FAM81B: variants seen among roughly 807,000 people sequenced by gnomAD.
The protein encoded by FAM81B is family with sequence similarity 81 member B, also known as protein FAM81B.
In FAM81B, 60 loss-of-function variants were observed where a neutral mutation model predicts 58.7. The observed-to-expected ratio is 1.02, with a 90% confidence interval of 0.83 to 1.27. The LOEUF is 1.27. Among genes scored for constraint, FAM81B ranks in the 50% most tolerant of loss-of-function variants. The pLI, the probability that FAM81B is intolerant of heterozygous loss-of-function variation, is 0.00. For missense variants in FAM81B, 491 were observed against 522.0 expected, an observed-to-expected ratio of 0.94 and a Z score of 0.58; for synonymous variants, 189 against 179.6, an observed-to-expected ratio of 1.05 and a Z score of -0.42.
At chr5:95,404,078 G>A (rs977567944) in intron 3 of FAM81B, among the ~76,000 whole-genome samples, 1 of 152,170 alleles carries the variant, frequency 6.6e-6, no homozygotes, top group Non-Finnish European at 1.5e-5. Flanking sequence ...AAAACCGGGA[G>A]ACCAAATACC....
chr5:95,425,544 T>C (rs1468626909), intron 5 of FAM81B, among the ~76,000 whole-genome samples: 1 of 152,196 alleles, frequency 6.6e-6, no homozygotes, highest in Non-Finnish European at 1.5e-5. Context: ...AACTTGAGAA[T>C]TCTAGTACTC....
At chr5:95,416,815 T>A (rs1331829724) in intron 4 of FAM81B, among the ~76,000 whole-genome samples, 2 of 152,144 alleles carry the variant, frequency 1.3e-5, no homozygotes, top group African/African-American at 4.8e-5. Flanking sequence ...GCTGAGGCAG[T>A]AGGACCAATT....
intron 3 of FAM81B, among the ~76,000 whole-genome samples, chr5:95,399,498 G>GCCC (rs1762051488): frequency 2.0e-5 from 3 of 148,470 alleles, no homozygotes; most frequent in African/African-American, 2.6e-5. Context: ...CCACCCACCT[G>GCCC]TGATGGGCAA....
At chr5:95,391,558 T>A (rs770207792) in intron 1 of FAM81B, 45 bp downstream of exon 1, 2 of 1,562,878 alleles carry the variant, frequency 1.3e-6, no homozygotes, top group South Asian at 2.5e-5. Flanking sequence ...CCTACTTCAC[T>A]ATCTTTCTTC....
rs143514606 is a variant in FAM81B, at chr5:95,398,691, G to A, written c.293+2516G>A. On this transcript the variant is annotated intron_variant, in intron 3 of 9. Coordinates refer to ENST00000283357, the MANE Select transcript of FAM81B (RefSeq NM_152548.3). ...CCCTCAGGGAGCTATCTAATAATGC[G>A]TTTGGAGCCATTCTAGCAGGAAGGA... Among the ~76,000 whole-genome samples the A allele has an allele frequency of 6.4e-3, 979 of 152,278 alleles. 9 individuals carry two copies. The highest frequency in any genetic ancestry group is 0.022 in the African/African-American group (918 of 41,570).
At chr5:95,413,459 G>A (rs140721467) in intron 3 of FAM81B, among the ~76,000 whole-genome samples, 105 of 152,210 alleles carry the variant, frequency 6.9e-4, no homozygotes, top group East Asian at 4.4e-3. Context: ...ATATGAAAAT[G>A]TACAATGTGA....
At chr5:95,439,343 C>T (rs1184700570) in intron 7 of FAM81B, among the ~76,000 whole-genome samples, 1 of 148,128 alleles carries the variant, frequency 6.8e-6, no homozygotes, top group Non-Finnish European at 1.5e-5. Context: ...ATGAGAAGAC[C>T]TTTCTCTACA....
chr5:95,436,804 T>C lies in FAM81B; in HGVS notation c.791T>C (p.Met264Thr), dbSNP rs1561311283. The C allele has an allele frequency of 6.2e-7, 1 of 1,610,034 alleles. No homozygotes were observed. Among genetic ancestry groups the C allele is most frequent in the Non-Finnish European group, 8.5e-7 (1 of 1,176,224 alleles). Reference sequence around the variant, plus strand: ...ACCCTCTCGTACTTTGACTAGGTGATGCAGCTCTTAGGAAAGATAGAAACT... The same window carrying C: ...ACCCTCTCGTACTTTGACTAGGTGACGCAGCTCTTAGGAAAGATAGAAACT... ...TLSKNLDMKV[M>T]QLLGKIETAS... Residue 264 changes from methionine to threonine, a missense_variant, in exon 7 of 10, where the codon ATG (methionine) becomes ACG (threonine). Met to Thr is a moderately conservative substitution (Grantham distance 81). Transcript: ENST00000283357.
chr5:95,448,201 A>G lies in FAM81B; in HGVS notation c.1030-68A>G, dbSNP rs192084559. ...ACATAGAAAAATGAATGTTAAAAAT[A>G]TTTTCTCTAAGCTGAAAGATAAATC... is the stretch of plus-strand genomic sequence containing the variant. On this transcript the variant is annotated intron_variant, in intron 8 of 9. Coordinates refer to ENST00000283357, the MANE Select transcript of FAM81B (RefSeq NM_152548.3). 7.6e-5 allele frequency: 107 copies of G among 1,410,664 alleles called. 3 individuals carry two copies. The Admixed American group carries it at 2.6e-3, about 35-fold the overall frequency. The allele number at this position is 1,410,664 out of a possible 1,614,324, so 87.4% of individuals were successfully genotyped here. A position where few individuals can be genotyped will look rare whatever the true frequency, so the allele number is the denominator to read the frequency against.
intron 6 of FAM81B, 134 bp downstream of exon 6, chr5:95,428,866 C>A: frequency 8.3e-7 from 1 of 1,202,150 alleles, no homozygotes; most frequent in Non-Finnish European, 1.2e-6. Flanking sequence ...ATTCTGACAG[C>A]TCACTCATAT....
Position 95,392,849 on chromosome 5 carries a change from T to C in FAM81B, c.180T>C (p.Val60=). The change falls in exon 2 of 10, where the codon GTT becomes GTC. Residue 60 remains valine (V), a synonymous_variant. Transcript: ENST00000283357. ...CTGCGACTGCAGAGGAACAGCCAGTTGAACCTGATGGCCCCCTTCCTGGCT... is the reference window on the plus strand; with the variant it reads ...CTGCGACTGCAGAGGAACAGCCAGTCGAACCTGATGGCCCCCTTCCTGGCT... The part of the protein sequence containing the change: ...SPTATAEEQP[V]EPDGPLPGSD... 1 of 1,612,614 alleles carries C rather than the reference T, an allele frequency of 6.2e-7. No individual in the cohort carries two copies. Among genetic ancestry groups the C allele is most frequent in the Non-Finnish European group, 8.5e-7 (1 of 1,179,402 alleles).
At chr5:95,418,741 A>C (rs1196488703) in intron 4 of FAM81B, among the ~76,000 whole-genome samples, 1 of 152,204 alleles carries the variant, frequency 6.6e-6, no homozygotes, top group Admixed American at 6.5e-5. Flanking sequence ...TTCTAAGACT[A>C]GAAAGTTCCT....
intron 7 of FAM81B, chr5:95,440,629 C>G (rs1195341115): frequency 5.1e-6 from 4 of 788,686 alleles, no homozygotes; most frequent in Non-Finnish European, 7.9e-6. Flanking sequence ...GCCATAGTAG[C>G]TGTTCAGACA....
chr5:95,450,001 A>G lies in FAM81B; in HGVS notation c.1226-148A>G, dbSNP rs149805953. The G allele has an allele frequency of 3.8e-6, 3 of 779,788 alleles. No individual in the cohort carries two copies. In the African/African-American group the frequency reaches 5.4e-5, roughly 14 times the overall value. 48.3% of individuals were successfully genotyped at this position (779,788 alleles called of 1,614,324 possible). A position where few individuals can be genotyped will look rare whatever the true frequency, so the allele number is the denominator to read the frequency against. ...CTTCATGACATACAAGAAATATATT[A>G]TGTACAATTTTAGGCTGGTCTTCAT... On this transcript the variant is annotated intron_variant, in intron 9 of 9. Transcript: ENST00000283357.
chr5:95,393,003 C>A (rs1157600604), intron 2 of FAM81B, 106 bp downstream of exon 2: 4 of 1,017,746 alleles, frequency 3.9e-6, no homozygotes, highest in Non-Finnish European at 5.5e-6. Flanking sequence ...ATAGTTCTCC[C>A]ACATTTCCTG....
chr5:95,450,081 TAGCAAC>T, intron 9 of FAM81B, 62 bp from the exon 10 acceptor site: 1 of 1,520,108 alleles, frequency 6.6e-7, no homozygotes. Context: ...GACTGCCGAT[TAGCAAC>T]TTTTTTAAAA....
chr5:95,423,020 C>T (rs1762728585), intron 5 of FAM81B, among the ~76,000 whole-genome samples: 2 of 152,052 alleles, frequency 1.3e-5, no homozygotes, highest in South Asian at 4.1e-4. Context: ...TTAAATTCAC[C>T]CTCCCTCTCC....
chr5:95,413,857 G>A (rs1188957465), intron 3 of FAM81B, 90 bp from the exon 4 acceptor site: 2 of 1,508,418 alleles, frequency 1.3e-6, no homozygotes, highest in Non-Finnish European at 1.8e-6. Context: ...AAAAATAAAG[G>A]ATCAGAAGTG....
intron 5 of FAM81B, chr5:95,424,120 ATTTG>A: frequency 7.8e-7 from 1 of 1,289,814 alleles, no homozygotes; most frequent in Non-Finnish European, 1.0e-6. Context: ...AAGGAGAGAG[ATTTG>A]ATACTGCAAG....
Sources: allele counts gnomAD v4.1 joint callset (sites outside exome capture counted in the v4.1 genomes callset), GRCh38; gene constraint gnomAD v4.1.1; transcripts MANE v1.5; gene names NCBI Gene and HGNC (gene_info 2026-07-23, HGNC 2026-07-21).